The following NR1H3 variants were observed in gnomAD, a reference collection of about 807,000 sequenced individuals.
NR1H3 encodes the protein nuclear receptor subfamily 1 group H member 3, also known as oxysterols receptor LXR-alpha.
NR1H3 carries 19 observed loss-of-function variants against 48.1 expected under a neutral mutation model. The ratio of observed to expected loss-of-function variants is 0.40; its 90% confidence interval spans 0.28 to 0.58. The LOEUF is 0.58. Among genes scored for constraint, NR1H3 ranks in the 20% least tolerant of loss-of-function variants. The pLI is 0.50. For missense variants in NR1H3, 486 were observed against 595.9 expected, an observed-to-expected ratio of 0.82 and a Z score of 1.92; for synonymous variants, 232 against 227.3, an observed-to-expected ratio of 1.02 and a Z score of -0.19.
In NR1H3 at chr11:47,259,653, C is replaced by T. The variant is rs2135621033; in HGVS notation, c.44-138C>T. On this transcript the variant is annotated intron_variant, in intron 2 of 9. Transcript: ENST00000441012. ...GTCCTAGCTAGAGCCCACACAGACT[C>T]TAGGGTCCCAAAGCCTGAGCTGGGA... 15 of 1,506,218 alleles carry T rather than the reference C, an allele frequency of 1.0e-5. No individual in the cohort carries two copies. The South Asian group carries it at 2.0e-4, about 20-fold the overall frequency. 93.3% of individuals were successfully genotyped at this position (1,506,218 alleles called of 1,614,324 possible). A position where few individuals can be genotyped will look rare whatever the true frequency, so the allele number is the denominator to read the frequency against.
upstream of NR1H3, among the ~76,000 whole-genome samples, chr11:47,253,987 AT>A (rs1306192992): frequency 6.6e-6 from 1 of 152,150 alleles, no homozygotes; most frequent in Non-Finnish European, 1.5e-5. Context: ...CAGAAACTCC[AT>A]GGAAATACTG....
At chr11:47,259,156 G>C in intron 1 of NR1H3, 24 bp from the exon 2 acceptor site, 1 of 1,613,936 alleles carries the variant, frequency 6.2e-7, no homozygotes, top group Non-Finnish European at 8.5e-7. Context: ...TTCTAGAAGA[G>C]TATAATCTGG....
intron 1 of NR1H3, among the ~76,000 whole-genome samples, chr11:47,249,709 C>T (rs748023847): frequency 5.3e-5 from 8 of 152,092 alleles, no homozygotes; most frequent in African/African-American, 7.2e-5. Context: ...ACTCCTGTGA[C>T]GGTTGCAGGT....
At chr11:47,265,091 C>T (rs1392392619) in intron 7 of NR1H3, among the ~76,000 whole-genome samples, 3 of 151,956 alleles carry the variant, frequency 2.0e-5, no homozygotes, top group Admixed American at 6.6e-5. Context: ...GTCAGGAGTT[C>T]GAGACCAGCC....
At chr11:47,262,363 C>T (rs1955987216) in intron 7 of NR1H3, among the ~76,000 whole-genome samples, 1 of 150,970 alleles carries the variant, frequency 6.6e-6, no homozygotes, top group African/African-American at 2.4e-5. Flanking sequence ...TGGGCAACAA[C>T]AACAACAACA....
upstream of NR1H3, among the ~76,000 whole-genome samples, chr11:47,253,877 T>C (rs1591066579): frequency 6.6e-6 from 1 of 152,126 alleles, no homozygotes; most frequent in African/African-American, 2.4e-5. Flanking sequence ...CTGGTGGGAC[T>C]GTGGCACGGG....
chr11:47,260,698 G>A, intron 4 of NR1H3, 23 bp downstream of exon 4: 2 of 1,575,922 alleles, frequency 1.3e-6, no homozygotes, highest in Non-Finnish European at 8.6e-7. Context: ...GGCTGGAGTG[G>A]GGAAGAGGCT....
At position 47,259,917 on chromosome 11, in the gene NR1H3, G is replaced by T; in HGVS notation, c.170G>T (p.Gly57Val). 1 of 1,608,178 alleles carries T rather than the reference G, an allele frequency of 6.2e-7. No homozygotes were observed. The highest frequency in any genetic ancestry group is 8.5e-7 in the Non-Finnish European group (1 of 1,177,300). Residue 57 changes from glycine (G) to valine (V), a missense_variant, in exon 3 of 10, where the codon GGG becomes GTG. Physicochemically the swap from Gly to Val is moderately radical, Grantham distance 109 (BLOSUM62 -3). Transcript: ENST00000441012. The stretch of plus-strand genomic sequence containing the variant: ...TCTGCTGGGGGTACTGCAGGGGTGG[G>T]GCTGGAGGCTGCAGAGCCCACAGCC... ...PHSAGGTAGV[G>V]LEAAEPTALL...
upstream of NR1H3, among the ~76,000 whole-genome samples, chr11:47,256,728 TTTC>T (rs1358518356): frequency 6.8e-6 from 1 of 148,112 alleles, no homozygotes; most frequent in East Asian, 2.0e-4. Flanking sequence ...GAGAATAATA[TTTC>T]TTTTTTTTTT....
chr11:47,255,679 TC>T (rs1187489990), upstream of NR1H3, among the ~76,000 whole-genome samples: 2 of 150,102 alleles, frequency 1.3e-5, no homozygotes, highest in Admixed American at 1.3e-4. Flanking sequence ...CTTTCTTTCT[TC>T]TTTTTTTTTG....
upstream of NR1H3, among the ~76,000 whole-genome samples, chr11:47,255,301 T>C (rs1316857109): frequency 6.6e-6 from 1 of 152,204 alleles, no homozygotes; most frequent in Non-Finnish European, 1.5e-5. Flanking sequence ...AGTTTCAGTG[T>C]TCTCTGTCAA....
upstream of NR1H3, chr11:47,248,854 C>T (rs1295648320): frequency 1.3e-6 from 2 of 1,551,668 alleles, no homozygotes; most frequent in South Asian, 1.2e-5. Flanking sequence ...AGCAGCCGCC[C>T]GGACGCACCC....
At chr11:47,254,872 T>C (rs1954946270), upstream of NR1H3, among the ~76,000 whole-genome samples, 1 of 152,194 alleles carries the variant, frequency 6.6e-6, no homozygotes, top group South Asian at 2.1e-4. Context: ...GTCCACTCTT[T>C]CCCTGTTTCC....
chr11:47,253,775 G>A (rs1954854969), upstream of NR1H3, among the ~76,000 whole-genome samples: 1 of 152,212 alleles, frequency 6.6e-6, no homozygotes, highest in Admixed American at 6.5e-5. Flanking sequence ...AGATCCCCGA[G>A]TGTGTTCCCA....
At chr11:47,261,755 G>A in intron 6 of NR1H3, 29 bp downstream of exon 6, 1 of 1,614,016 alleles carries the variant, frequency 6.2e-7, no homozygotes, top group Non-Finnish European at 8.5e-7. Flanking sequence ...GGGATGAAGG[G>A]AGAAGCAGAG....
chr11:47,256,868 C>G (rs1343327790), upstream of NR1H3, among the ~76,000 whole-genome samples: 7 of 151,288 alleles, frequency 4.6e-5, no homozygotes, highest in Admixed American at 6.6e-5. Flanking sequence ...GTAGCTGGAA[C>G]TACAGGCGCC....
chr11:47,266,929 C>T (rs1320034772), intron 7 of NR1H3, among the ~76,000 whole-genome samples: 3 of 152,120 alleles, frequency 2.0e-5, no homozygotes, highest in Non-Finnish European at 4.4e-5. Context: ...GCATGAACCG[C>T]CGTGCCTTGC....
intron 7 of NR1H3, 141 bp downstream of exon 7, chr11:47,262,159 C>A: frequency 1.6e-6 from 1 of 624,778 alleles, no homozygotes; most frequent in Non-Finnish European, 2.8e-6. Flanking sequence ...GTGGGCAGAT[C>A]ACCAGGTCAG....
At position 47,268,960 on chromosome 11, in the gene NR1H3, C is replaced by T. The variant is rs1957831838; in HGVS notation, c.*264C>T. 4 of 462,862 alleles carry T rather than the reference C, an allele frequency of 8.6e-6. No homozygotes were observed. The Admixed American group carries it at 1.5e-4, about 18-fold the overall frequency. The allele number at this position is 462,862 out of a possible 1,614,324, so 28.7% of individuals were successfully genotyped here. On this transcript the variant is annotated 3_prime_UTR_variant, in exon 10 of 10. Coordinates refer to ENST00000441012, the MANE Select transcript of NR1H3 (RefSeq NM_005693.4). ...GGGGGCCACTTTGCACAGGGTTCTCCAGAGCCCTGCCCATCCTGCCTCCAC... is the reference window on the plus strand; with the variant it reads ...GGGGGCCACTTTGCACAGGGTTCTCTAGAGCCCTGCCCATCCTGCCTCCAC...
Sources: gnomAD v4.1 joint callset for allele counts (sites outside exome capture counted in the v4.1 genomes callset) on GRCh38, gnomAD v4.1.1 for gene constraint, MANE v1.5 for transcripts, NCBI Gene and HGNC (gene_info 2026-07-23, HGNC 2026-07-21) for gene names.